Variants in EXOC2 observed in about 807,000 individuals in gnomAD.
EXOC2 encodes SEC5-like 1.
A neutral mutation model predicts 131.8 loss-of-function variants in EXOC2; 70 were observed. The ratio of observed to expected loss-of-function variants is 0.53; its 90% CI spans 0.44 to 0.65. The LOEUF (loss-of-function observed/expected upper bound fraction) is 0.65. Among genes scored for constraint, EXOC2 ranks in the 30% least tolerant of loss-of-function variants. The pLI, the probability that EXOC2 is intolerant of heterozygous loss-of-function variation, is 0.00. For missense variants in EXOC2, 923 were observed against 1,108.6 expected (o/e 0.83, Z 2.38); for synonymous variants, 411 against 398.4 (o/e 1.03, Z -0.38).
chr6:549,608 G>T (rs1757040449), intron 21 of EXOC2, among the ~76,000 whole-genome samples: 1 of 152,200 alleles, frequency 6.6e-6, no homozygotes. Context: ...GATCAGTGTT[G>T]CTTATGAAAA....
chr6:525,786 G>A (rs1765702947), intron 23 of EXOC2, among the ~76,000 whole-genome samples: 1 of 152,002 alleles, frequency 6.6e-6, no homozygotes. Context: ...ATATGAAATA[G>A]ATACATTGTC....
chr6:544,874 G>A (rs1011906810), intron 22 of EXOC2, among the ~76,000 whole-genome samples: 1 of 152,140 alleles, frequency 6.6e-6, no homozygotes, highest in Non-Finnish European at 1.5e-5. Context: ...CAGGCCGGGC[G>A]CGGTGGCTCA....
chr6:598,444 C>T (rs1759941798), intron 9 of EXOC2, among the ~76,000 whole-genome samples: 1 of 152,168 alleles, frequency 6.6e-6, no homozygotes, highest in Non-Finnish European at 1.5e-5. Flanking sequence ...TCCTGGTGGA[C>T]TGTAACTCTG....
intron 17 of EXOC2, among the ~76,000 whole-genome samples, chr6:562,203 G>A (rs80347872): frequency 0.016 from 2,420 of 152,324 alleles, 40 homozygotes; most frequent in East Asian, 0.061. Flanking sequence ...AAGCCACTGG[G>A]ATGTGTCGGC....
Position 616,584 on chromosome 6 carries a change from C to T in EXOC2, c.661+1127G>A, listed in dbSNP as rs188397914. Among the ~76,000 whole-genome samples the T allele has an allele frequency of 3.2e-3, 314 of 98,400 alleles. 2 individuals carry two copies. Among genetic ancestry groups the T allele is most frequent in the Non-Finnish European group, 3.0e-3 (165 of 54,596 alleles). 64.6% of individuals were successfully genotyped at this position (98,400 alleles called of 152,430 possible). ...CGCCACAGCACTCCCGCCTGGGCGA[C>T]AGAGCGAAACTCCGTCTCAAAAAAA... is the stretch of plus-strand genomic sequence containing the variant. On this transcript the variant is annotated intron_variant, in intron 6 of 27. Coordinates refer to ENST00000230449, the MANE Select transcript of EXOC2 (RefSeq NM_018303.6).
chr6:497,326 TAAC>T, intron 25 of EXOC2, 38 bp downstream of exon 25: 1 of 1,592,860 alleles, frequency 6.3e-7, no homozygotes, highest in African/African-American at 1.3e-5. Context: ...ATGCTTTAAA[TAAC>T]AACAGAAGTT....
chr6:582,757 A>G lies in EXOC2; in HGVS notation c.1193-5875T>C, dbSNP rs183696163. 6.8e-3 allele frequency among the ~76,000 whole-genome samples: 1,030 copies of G among 151,932 alleles called. 35 individuals are homozygous for G. Among genetic ancestry groups the G allele is most frequent in the Admixed American group, 0.051 (770 of 15,230 alleles). On this transcript the variant is annotated intron_variant, in intron 11 of 27. Transcript: ENST00000230449. ...CATGTATACATATACATATATATGT[A>G]TATATATATAACATTTTTAAAGTCC...
At chr6:532,641 C>T (rs2127541076) in intron 22 of EXOC2, 31 bp from the exon 23 acceptor site, 1 of 1,434,336 alleles carries the variant, frequency 7.0e-7, no homozygotes, top group African/African-American at 1.5e-5. Context: ...GTATGAGTTG[C>T]CTATTTGAGG....
At chr6:673,304 TAAGAAAAAAGA>T (rs1763962588) in intron 1 of EXOC2, among the ~76,000 whole-genome samples, 3 of 126,880 alleles carry the variant, frequency 2.4e-5, no homozygotes, top group Non-Finnish European at 3.4e-5. Flanking sequence ...CACATTTATC[TAAGAAAAAAGA>T]TAACAATACA....
At chr6:562,890 C>T in intron 16 of EXOC2, 45 bp from the exon 17 acceptor site, 2 of 1,392,878 alleles carry the variant, frequency 1.4e-6, no homozygotes, top group Non-Finnish European at 2.0e-6. Context: ...AATTATCTCA[C>T]TAAATTTTAT....
At chr6:688,756 T>C (rs1009705607) in intron 1 of EXOC2, among the ~76,000 whole-genome samples, 2 of 152,196 alleles carry the variant, frequency 1.3e-5, no homozygotes, top group African/African-American at 4.8e-5. Context: ...CCTAATCCCC[T>C]CTGCACCTTT....
chr6:689,066 A>G lies in EXOC2; in HGVS notation c.-44+3953T>C, dbSNP rs575315037. 5.3e-5 allele frequency: 8 copies of G among 152,352 alleles called. No homozygotes were observed. The East Asian group carries it at 1.5e-3, about 29-fold the overall frequency. The allele number at this position is 152,352 out of a possible 1,614,324, so 9.4% of individuals were successfully genotyped here. On this transcript the variant is annotated intron_variant, in intron 1 of 27. Transcript: ENST00000230449. Reference sequence around the variant, plus strand: ...AAGGGAAAAAAGCCTTCAACGCTGCACTTGTCACTGAGTGCTTAAGATGTG... The same window carrying G: ...AAGGGAAAAAAGCCTTCAACGCTGCGCTTGTCACTGAGTGCTTAAGATGTG...
At chr6:559,270 G>A (rs188956212) in intron 17 of EXOC2, among the ~76,000 whole-genome samples, 6 of 152,330 alleles carry the variant, frequency 3.9e-5, no homozygotes, top group East Asian at 3.9e-4. Context: ...TGCCTCAGCC[G>A]AGGGACAGTC....
At chr6:656,577 C>T (rs370107712) in intron 1 of EXOC2, 1 of 1,591,890 alleles carries the variant, frequency 6.3e-7, no homozygotes. Flanking sequence ...GCGAGCGCGG[C>T]CCAGGGACGA....
chr6:534,530 C>T (rs1175408421), intron 22 of EXOC2, among the ~76,000 whole-genome samples: 1 of 152,160 alleles, frequency 6.6e-6, no homozygotes, highest in African/African-American at 2.4e-5. Context: ...ACTGGTCTGA[C>T]GTCAGATTTC....
chr6:570,642 G>A (rs975986394), intron 13 of EXOC2, among the ~76,000 whole-genome samples: 8 of 152,140 alleles, frequency 5.3e-5, no homozygotes, highest in African/African-American at 1.7e-4. Flanking sequence ...TTACTTATCT[G>A]TCAGACATTA....
chr6:550,218 G>A (rs1757072577), intron 21 of EXOC2, among the ~76,000 whole-genome samples: 1 of 152,160 alleles, frequency 6.6e-6, no homozygotes, highest in African/African-American at 2.4e-5. Context: ...CACATACTCT[G>A]CATGCTCTTT....
intron 23 of EXOC2, among the ~76,000 whole-genome samples, chr6:519,025 C>T (rs907876194): frequency 5.3e-5 from 8 of 152,340 alleles, no homozygotes; most frequent in Non-Finnish European, 1.0e-4. Flanking sequence ...TACTCAATGA[C>T]AAGGACACAG....
chr6:674,924 A>T (rs1764040657), intron 1 of EXOC2, among the ~76,000 whole-genome samples: 1 of 152,092 alleles, frequency 6.6e-6, no homozygotes, highest in Non-Finnish European at 1.5e-5. Context: ...GTGCCAGCCA[A>T]CTAGGGACCA....
Sources: allele counts gnomAD v4.1 joint callset (sites outside exome capture counted in the v4.1 genomes callset), GRCh38; gene constraint gnomAD v4.1.1; transcripts MANE v1.5; gene names NCBI Gene and HGNC (gene_info 2026-07-23, HGNC 2026-07-21).